The following HAUS6 variants were observed in gnomAD, a reference collection of about 807,000 sequenced individuals.
The protein encoded by HAUS6 is HAUS augmin like complex subunit 6.
Under a neutral mutation model 106.8 loss-of-function variants are expected in HAUS6, and 80 were observed. The observed-to-expected ratio is 0.75, with a 90% CI of 0.63 to 0.90. HAUS6 has a LOEUF of 0.90. Among genes scored for constraint, HAUS6 ranks in the 40% least tolerant of loss-of-function variants. HAUS6 has a pLI of 0.00. For missense variants in HAUS6, 1,155 were observed against 1,118.1 expected (o/e 1.03, Z -0.47); for synonymous variants, 356 against 379.1 (o/e 0.94, Z 0.71).
At position 19,102,247 on chromosome 9, in the gene HAUS6, T is replaced by C. The variant is rs139125128; in HGVS notation, c.128+277A>G. ...CTTCACAGACCACCCCTCCACCACA[T>C]AGGCAGAGTTAAGCTGCTCCTCCAG... On this transcript the variant is annotated intron_variant, in intron 1 of 16. Transcript: ENST00000380502. Among the ~76,000 whole-genome samples the C allele has an allele frequency of 6.6e-5, 10 of 152,084 alleles. No homozygotes were observed. In the East Asian group the frequency reaches 1.3e-3, roughly 21 times the overall value.
chr9:19,056,233 T>C lies in HAUS6; in HGVS notation c.*110A>G, dbSNP rs1476767206. Reference sequence around the variant, plus strand: ...AAGGCATTAGGAATTTTTTTAAACCTTGAAAAACAGTGTTACACTTCCAAC... The same window carrying C: ...AAGGCATTAGGAATTTTTTTAAACCCTGAAAAACAGTGTTACACTTCCAAC... On this transcript the variant is annotated 3_prime_UTR_variant, in exon 17 of 17. Transcript: ENST00000380502. The C allele has an allele frequency of 6.3e-6, 4 of 639,282 alleles. No homozygotes were observed. The highest frequency in any genetic ancestry group is 3.6e-5 in the African/African-American group (2 of 55,104). The allele number at this position is 639,282 out of a possible 1,614,324, so 39.6% of individuals were successfully genotyped here. A position where few individuals can be genotyped will look rare whatever the true frequency, so the allele number is the denominator to read the frequency against.
intron 6 of HAUS6, 59 bp from the exon 7 acceptor site, chr9:19,086,841 C>G: frequency 1.3e-6 from 1 of 755,108 alleles, no homozygotes; most frequent in Non-Finnish European, 2.3e-6. Context: ...AATTTAATAT[C>G]CAAAGAGCTA....
chr9:19,102,674 G>T lies in HAUS6; in HGVS notation c.-23C>A. On this transcript the variant is annotated 5_prime_UTR_variant, in exon 1 of 17. Coordinates refer to ENST00000380502, the MANE Select transcript of HAUS6 (RefSeq NM_017645.5). ...CATCCTCGCGGTAGGCACGGTGGCT[G>T]CAAAGAAAGAAAGCGCAAGCCCAGG... The T allele has an allele frequency of 6.2e-7, 1 of 1,605,068 alleles. No homozygotes were observed. Among genetic ancestry groups the T allele is most frequent in the Non-Finnish European group, 8.5e-7 (1 of 1,175,430 alleles).
chr9:19,081,084 C>CA (rs943979910), intron 8 of HAUS6, among the ~76,000 whole-genome samples: 22 of 139,086 alleles, frequency 1.6e-4, no homozygotes, highest in East Asian at 6.2e-4. Flanking sequence ...AACAAACAAA[C>CA]AAAAAAAAAA....
At chr9:19,100,393 T>C (rs552395777) in intron 1 of HAUS6, among the ~76,000 whole-genome samples, 1 of 152,278 alleles carries the variant, frequency 6.6e-6, no homozygotes, top group African/African-American at 2.4e-5. Flanking sequence ...GTAAATTTAA[T>C]GCCACATCCA....
Position 19,102,775 on chromosome 9 carries a change from C to G in HAUS6, c.-124G>C, listed in dbSNP as rs1412033149. Reference sequence around the variant, plus strand: ...GTGGTCCTTCCATTGCCAACGCCTGCTCCTTTCACGCCCAGAGCGATTTCG... The same window carrying G: ...GTGGTCCTTCCATTGCCAACGCCTGGTCCTTTCACGCCCAGAGCGATTTCG... On this transcript the variant is annotated 5_prime_UTR_variant, in exon 1 of 17. Coordinates refer to ENST00000380502, the MANE Select transcript of HAUS6 (RefSeq NM_017645.5). 1.1e-6 allele frequency: 1 copy of G among 877,822 alleles called. No homozygotes were observed. Among genetic ancestry groups the G allele is most frequent in the Admixed American group, 3.0e-5 (1 of 33,392 alleles). The allele number at this position is 877,822 out of a possible 1,614,324, so 54.4% of individuals were successfully genotyped here.
rs1045595781 is a variant in HAUS6 at position 19,054,901 on chromosome 9, T to C, written c.*1442A>G. ...CACATGCTAAGTTAAGATTTTCAGA[T>C]ACTGAGTTTTCTTAAAGCAGACTAA... On this transcript the variant is annotated 3_prime_UTR_variant, in exon 17 of 17. Coordinates refer to ENST00000380502, the MANE Select transcript of HAUS6 (RefSeq NM_017645.5). 9 of 152,222 alleles carry C rather than the reference T, an allele frequency of 5.9e-5. No homozygotes were observed. The highest frequency in any genetic ancestry group is 4.6e-4 in the Admixed American group (7 of 15,288). The allele number at this position is 152,222 out of a possible 1,614,324, so 9.4% of individuals were successfully genotyped here.
chr9:19,098,474 A>G (rs1337553200), intron 1 of HAUS6, among the ~76,000 whole-genome samples: 2 of 151,524 alleles, frequency 1.3e-5, no homozygotes, highest in Non-Finnish European at 2.9e-5. Context: ...GGGAAAATTT[A>G]TATCTATTCT....
At chr9:19,079,871 ACT>A (rs1271808000) in intron 9 of HAUS6, among the ~76,000 whole-genome samples, 2 of 146,920 alleles carry the variant, frequency 1.4e-5, no homozygotes, top group Non-Finnish European at 3.0e-5. Context: ...ACAGAGCAAG[ACT>A]CTGTCTCAAA....
At chr9:19,078,133 A>AG in intron 10 of HAUS6, 43 bp downstream of exon 10, 1 of 1,410,316 alleles carries the variant, frequency 7.1e-7, no homozygotes, top group Non-Finnish European at 9.7e-7. Flanking sequence ...AAAAAAAAAA[A>AG]GGTGGGTGGC....
chr9:19,092,032 A>G (rs10811112), intron 4 of HAUS6, among the ~76,000 whole-genome samples: 17,823 of 152,188 alleles, frequency 0.12, 1,117 homozygotes, highest in Non-Finnish European at 0.14. Flanking sequence ...TCACTAATAA[A>G]AGAAATACAA....
chr9:19,096,583 AAAAAAAGG>A, intron 2 of HAUS6, 83 bp downstream of exon 2: 1 of 545,200 alleles, frequency 1.8e-6, no homozygotes, highest in Non-Finnish European at 3.2e-6. Flanking sequence ...AAAAAAAAAA[AAAAAAAGG>A]AGAGAATTCT....
Position 19,058,266 on chromosome 9 carries a change from C to T in HAUS6, c.2501G>A (p.Arg834His), listed in dbSNP as rs376889777. 5.4e-5 allele frequency: 87 copies of T among 1,613,776 alleles called. 1 individual carries two copies. The highest frequency in any genetic ancestry group is 1.5e-4 in the South Asian group (14 of 91,056). ...PESDFNLQALRSRYEALKKSL... is the reference protein window; with the variant it reads ...PESDFNLQALHSRYEALKKSL... ...TTTCTTCAGAGCCTCGTATCTACTG[C>T]GAAGAGCCTGTAAATTAAAGTCTGA... The change falls in exon 16 of 17, where the codon CGC (arginine) becomes CAC (histidine). Residue 834 changes from arginine to histidine, a missense_variant. This residue lies in a region of HAUS6 where 380 missense variants were observed against 394.8 expected (regional missense o/e 0.96). Transcript: ENST00000380502.
chr9:19,058,494 T>C lies in HAUS6; in HGVS notation c.2273A>G (p.Gln758Arg). The C allele has an allele frequency of 2.5e-6, 4 of 1,580,714 alleles. No individual in the cohort carries two copies. Among genetic ancestry groups the C allele is most frequent in the African/African-American group, 1.4e-5 (1 of 72,294 alleles). ...CTTAGAACTAATTCCACTTGATATC[T>C]GAAAAGAATTCCACAACATAGTTTT... ...TNKTMLWNSF[Q>R]ISSGISSKSF... The change falls in exon 16 of 17, where the codon CAG becomes CGG. Residue 758 changes from glutamine (Q) to arginine (R), a missense_variant. By Grantham distance (43) the Gln-to-Arg change is conservative. This residue lies in a region of HAUS6 where 380 missense variants were observed against 394.8 expected (regional missense o/e 0.96). Transcript: ENST00000380502.
Position 19,063,707 on chromosome 9 carries a change from C to A in HAUS6, c.1377-127G>T. 3 of 788,740 alleles carry A rather than the reference C, an allele frequency of 3.8e-6. No individual in the cohort carries two copies. The South Asian group carries it at 4.0e-5, about 11-fold the overall frequency. 48.9% of individuals were successfully genotyped at this position (788,740 alleles called of 1,614,324 possible). ...ACGATTTCACTCAATTCGTCCCGGT[C>A]ATCAAAAGGCAGTTTATTCTAGGGA... On this transcript the variant is annotated intron_variant, in intron 12 of 16. Transcript: ENST00000380502.
chr9:19,091,714 T>C (rs1418405717), intron 4 of HAUS6, among the ~76,000 whole-genome samples: 2 of 152,148 alleles, frequency 1.3e-5, no homozygotes, highest in Non-Finnish European at 2.9e-5. Context: ...CAGGCTGGAA[T>C]GCAGTGGTGC....
chr9:19,085,063 A>C (rs896827555), intron 7 of HAUS6, among the ~76,000 whole-genome samples: 1 of 152,048 alleles, frequency 6.6e-6, no homozygotes, highest in Non-Finnish European at 1.5e-5. Context: ...GAGTAGGTGA[A>C]ACTATAGGTG....
At chr9:19,095,684 G>C (rs1049262918) in intron 2 of HAUS6, among the ~76,000 whole-genome samples, 1 of 152,012 alleles carries the variant, frequency 6.6e-6, no homozygotes, top group African/African-American at 2.4e-5. Flanking sequence ...CTAAGCGATA[G>C]ACCTACTTGT....
At chr9:19,056,602 T>TA in intron 16 of HAUS6, 198 bp from the exon 17 acceptor site, 1 of 484,066 alleles carries the variant, frequency 2.1e-6, no homozygotes, top group Non-Finnish European at 3.7e-6. Flanking sequence ...GAGTACTTTT[T>TA]TTTTTTTCTT....
Sources: gnomAD v4.1 joint callset for allele counts (sites outside exome capture counted in the v4.1 genomes callset) on GRCh38, gnomAD v4.1.1 for gene constraint, gnomAD v4.1.1 regional missense constraint, MANE v1.5 for transcripts, NCBI Gene and HGNC (gene_info 2026-07-23, HGNC 2026-07-21) for gene names.